The following ANKRD52 variants were observed in gnomAD, a reference collection of about 807,000 sequenced individuals.
ANKRD52 encodes the protein ankyrin repeat domain 52, also known as serine/threonine-protein phosphatase 6 regulatory ankyrin repeat subunit C.
ANKRD52 carries 7 observed loss-of-function variants against 116.0 expected under a neutral mutation model. The observed-to-expected ratio is 0.06, with a 90% CI of 0.03 to 0.11. The LOEUF (loss-of-function observed/expected upper bound fraction) is 0.11, where lower values mean the gene tolerates loss of function less well. Ranked by LOEUF, ANKRD52 falls within the 10% of genes least tolerant of loss-of-function variation. ANKRD52 has a pLI of 1.00. For synonymous variants in ANKRD52, 528 were observed against 578.1 expected (o/e 0.91, Z 1.24); for missense variants, 839 against 1,408.6 (o/e 0.60, Z 6.47).
intron 15 of ANKRD52, among the ~76,000 whole-genome samples, chr12:56,249,829 C>T (rs1230706625): frequency 3.3e-5 from 5 of 152,198 alleles, no homozygotes; most frequent in African/African-American, 4.8e-5. Context: ...CGCCTGAGCT[C>T]GGGAGTTCAA....
rs201212936 is a variant in ANKRD52, at chr12:56,244,097, T to C, written c.2842A>G (p.Thr948Ala). The change falls in exon 26 of 28, where the codon ACC becomes GCC. Residue 948 changes from threonine (T) to alanine (A), a missense_variant. Thr to Ala is a moderately conservative substitution (Grantham distance 58, BLOSUM62 0). Transcript: ENST00000267116. This position sits in a 1 kb window ranked among gnomAD's most constrained non-coding sequence, Gnocchi z 4.9. ...EKCALMILAE[T>A]QDLGLINATN... is the part of the protein sequence containing the mutation. ...GCATTGATAAGGCCAAGGTCTTGGG[T>C]TTCTGCCAGGATCATGAGGGCACAT... 1.2e-5 allele frequency: 20 copies of C among 1,613,724 alleles called. No homozygotes were observed. In the African/African-American group the frequency reaches 2.7e-4, roughly 22 times the overall value.
rs75699291 is a variant in ANKRD52 at position 56,242,021 on chromosome 12, G to A, written c.*1121C>T. The A allele has an allele frequency of 3.8e-3, 1,517 of 398,564 alleles. 40 individuals carry two copies. In the East Asian group the frequency reaches 0.047, roughly 12 times the overall value. 24.7% of individuals were successfully genotyped at this position (398,564 alleles called of 1,614,324 possible). A position where few individuals can be genotyped will look rare whatever the true frequency, so the allele number is the denominator to read the frequency against. On this transcript the variant is annotated 3_prime_UTR_variant, in exon 28 of 28. Transcript: ENST00000267116. This position sits in a 1 kb window ranked among gnomAD's most constrained non-coding sequence, Gnocchi z 4.3. ...TCCCGAGTAGCCACGGTCCCTTGTC[G>A]GCCCTGCCCCTCCTACCATCTTTGG... is the stretch of plus-strand genomic sequence containing the variant.
In ANKRD52 at chr12:56,243,258, T is replaced by C. The variant is rs1871246900; in HGVS notation, c.3115A>G (p.Ser1039Gly). The C allele has an allele frequency of 1.9e-6, 3 of 1,613,956 alleles. No individual in the cohort carries two copies. The highest frequency in any genetic ancestry group is 1.7e-5 in the Admixed American group (1 of 60,018). Reference protein sequence around the residue: ...PFSFSLLKNCSIAAAKTVGGC... With the variant: ...PFSFSLLKNCGIAAAKTVGGC... ...CCCACCGTCTTGGCGGCTGCAATGC[T>C]GCAGTTCTTGAGCAGGCTGAAGCTG... Residue 1039 changes from serine (S) to glycine (G), a missense_variant, in exon 28 of 28, where the codon AGC becomes GGC. Physicochemically the swap from Ser to Gly is moderately conservative, Grantham distance 56 (BLOSUM62 0). Around this residue, in one of 2 missense-constraint regions of ANKRD52, gnomAD observed 552 missense variants for 810.6 expected, o/e 0.68. Transcript: ENST00000267116. The surrounding 1 kb of genome is among the most constrained non-coding windows in gnomAD (Gnocchi z 4.6).
intron 20 of ANKRD52, among the ~76,000 whole-genome samples, chr12:56,246,577 G>T (rs1871408796): frequency 6.6e-6 from 1 of 152,104 alleles, no homozygotes; most frequent in South Asian, 2.1e-4. Flanking sequence ...GGCCAGCAGG[G>T]TATCCCAGGT....
chr12:56,253,865 T>C lies in ANKRD52; in HGVS notation c.907-65A>G. 6.5e-7 allele frequency: 1 copy of C among 1,528,704 alleles called. No individual in the cohort carries two copies. Among genetic ancestry groups the C allele is most frequent in the Non-Finnish European group, 9.0e-7 (1 of 1,105,534 alleles). The allele number at this position is 1,528,704 out of a possible 1,614,324, so 94.7% of individuals were successfully genotyped here. A position where few individuals can be genotyped will look rare whatever the true frequency, so the allele number is the denominator to read the frequency against. ...CCAGTGCAAAGCACAGAGAATGCCCTACCTCCCTTCCAAGGACATATCTCT... is the reference window on the plus strand; with the variant it reads ...CCAGTGCAAAGCACAGAGAATGCCCCACCTCCCTTCCAAGGACATATCTCT... On this transcript the variant is annotated intron_variant, in intron 8 of 27. Coordinates refer to ENST00000267116, the MANE Select transcript of ANKRD52 (RefSeq NM_173595.4). The surrounding 1 kb of genome is among the most constrained non-coding windows in gnomAD (Gnocchi z 5.5).
rs1304231394 is a variant in ANKRD52 at position 56,243,745 on chromosome 12, C to T, written c.2980+40G>A. Reference sequence around the variant, plus strand: ...CACCTCCTGAAGAATGTCCCTGACCCCAAACCCAAGAGAGGCATGGGGCCC... The same window carrying T: ...CACCTCCTGAAGAATGTCCCTGACCTCAAACCCAAGAGAGGCATGGGGCCC... On this transcript the variant is annotated intron_variant, in intron 27 of 27. Transcript: ENST00000267116. The surrounding 1 kb of genome is among the most constrained non-coding windows in gnomAD (Gnocchi z 4.6). The T allele has an allele frequency of 2.0e-6, 3 of 1,538,336 alleles. No individual in the cohort carries two copies. The highest frequency in any genetic ancestry group is 3.4e-4 in the Middle Eastern group (2 of 5,948).
At position 56,247,721 on chromosome 12, in the gene ANKRD52, C is replaced by T. The variant is rs762316228; in HGVS notation, c.2032G>A (p.Ala678Thr). The part of the protein sequence containing the change: ...LHLLIDSGER[A>T]DITDVMDAYG... ...GCATCCATGACATCTGTGATGTCAG[C>T]TCGTTCCCCACTGTCGATCAGCAAG... Residue 678 changes from alanine (A) to threonine (T), a missense_variant, in exon 19 of 28, where the codon GCT becomes ACT. Ala to Thr is a moderately conservative substitution (Grantham distance 58, BLOSUM62 0). Transcript: ENST00000267116. 1 of 1,612,528 alleles carries T rather than the reference C, an allele frequency of 6.2e-7. No homozygotes were observed. Among genetic ancestry groups the T allele is most frequent in the Admixed American group, 1.7e-5 (1 of 59,808 alleles).
Position 56,252,658 on chromosome 12 carries a change from C to A in ANKRD52, c.1302-88G>T, listed in dbSNP as rs1011115188. The stretch of plus-strand genomic sequence containing the variant: ...GCTAAGGAAGGATGGGACTAGCAAG[C>A]CCTTTCTGCTGTGACTGCTTTCATT... On this transcript the variant is annotated intron_variant, in intron 12 of 27. Coordinates refer to ENST00000267116, the MANE Select transcript of ANKRD52 (RefSeq NM_173595.4). This position sits in a 1 kb window ranked among gnomAD's most constrained non-coding sequence, Gnocchi z 4.7. 6.5e-7 allele frequency: 1 copy of A among 1,541,076 alleles called. No individual in the cohort carries two copies. The highest frequency in any genetic ancestry group is 1.4e-5 in the African/African-American group (1 of 73,296).
chr12:56,252,893 C>G lies in ANKRD52; in HGVS notation c.1188G>C (p.Gln396His), dbSNP rs754514640. The change falls in exon 12 of 28, where the codon CAG (glutamine) becomes CAC (histidine). Residue 396 changes from glutamine to histidine, a missense_variant. By Grantham distance (24) the Gln-to-His change is conservative. Around this residue, in one of 2 missense-constraint regions of ANKRD52, gnomAD observed 287 missense variants for 598.1 expected, o/e 0.48. Transcript: ENST00000267116. This position sits in a 1 kb window ranked among gnomAD's most constrained non-coding sequence, Gnocchi z 4.7. ...DCCRKLLSSG[Q>H]LYSIVSSLSN... ...TGAGTGAAGACACAATGCTGTACAA[C>G]TGACCTGGAGGCACAGAACAGCCAC... The G allele has an allele frequency of 1.2e-6, 2 of 1,613,724 alleles. No homozygotes were observed. The highest frequency in any genetic ancestry group is 1.3e-5 in the African/African-American group (1 of 75,042).
chr12:56,245,700 A>C (rs1323074294), intron 20 of ANKRD52, 104 bp from the exon 21 acceptor site: 4 of 874,580 alleles, frequency 4.6e-6, no homozygotes, highest in Non-Finnish European at 6.6e-6. Flanking sequence ...CAGGGCTCCA[A>C]TCCTTGTCTT....
chr12:56,252,681 A>C lies in ANKRD52; in HGVS notation c.1301+99T>G. ...AGCCCTTTCTGCTGTGACTGCTTTC[A>C]TTGTGAGAGGGGGAATAGATCTGGG... is the stretch of plus-strand genomic sequence containing the variant. On this transcript the variant is annotated intron_variant, in intron 12 of 27. Coordinates refer to ENST00000267116, the MANE Select transcript of ANKRD52 (RefSeq NM_173595.4). This position sits in a 1 kb window ranked among gnomAD's most constrained non-coding sequence, Gnocchi z 4.7. 1 of 1,538,366 alleles carries C rather than the reference A, an allele frequency of 6.5e-7. No individual in the cohort carries two copies. Among genetic ancestry groups the C allele is most frequent in the Non-Finnish European group, 9.0e-7 (1 of 1,114,718 alleles).
rs201634773 is a variant in ANKRD52 at position 56,248,081 on chromosome 12, G to A, written c.1920C>T (p.His640=). 1.5e-5 allele frequency: 24 copies of A among 1,612,392 alleles called. No individual in the cohort carries two copies. The Admixed American group carries it at 2.3e-4, about 16-fold the overall frequency. Residue 640 remains histidine, a synonymous_variant, in exon 18 of 28, where the codon CAC becomes CAT. Transcript: ENST00000267116. The surrounding 1 kb of genome is among the most constrained non-coding windows in gnomAD (Gnocchi z 5.1). ...STECVEVLTA[H]GASALIKERK... ...GCTCCTTGATGAGGGCAGAGGCGCC[G>A]TGGGCTGTAAGCACCTCCACACACT...
At chr12:56,249,203 C>T (rs973021976) in intron 15 of ANKRD52, among the ~76,000 whole-genome samples, 8 of 152,184 alleles carry the variant, frequency 5.3e-5, no homozygotes, top group African/African-American at 1.9e-4. Flanking sequence ...AACCCCTGCC[C>T]TAGGATGCTT....
rs1363288690 is a variant in ANKRD52, at chr12:56,244,760, A to T, written c.2614T>A (p.Ser872Thr). Residue 872 changes from serine (S) to threonine (T), a missense_variant, in exon 24 of 28, where the codon TCT becomes ACT. Physicochemically the swap from Ser to Thr is moderately conservative, Grantham distance 58. Transcript: ENST00000267116. This position sits in a 1 kb window ranked among gnomAD's most constrained non-coding sequence, Gnocchi z 4.9. ...LHAAAFADNV[S>T]GLRMLLQHQA... ...TGCTGCAGCAGCATCCGGAGCCCAG[A>T]GACATTGTCCGCGAAGGCAGCGGCG... The T allele has an allele frequency of 6.2e-7, 1 of 1,613,828 alleles. No individual in the cohort carries two copies. The highest frequency in any genetic ancestry group is 2.2e-5 in the East Asian group (1 of 44,878).
Position 56,243,678 on chromosome 12 carries a change from T to A in ANKRD52, c.2980+107A>T. The A allele has an allele frequency of 1.6e-6, 2 of 1,238,522 alleles. No individual in the cohort carries two copies. The highest frequency in any genetic ancestry group is 2.3e-6 in the Non-Finnish European group (2 of 879,990). The allele number at this position is 1,238,522 out of a possible 1,614,324, so 76.7% of individuals were successfully genotyped here. On this transcript the variant is annotated intron_variant, in intron 27 of 27. Coordinates refer to ENST00000267116, the MANE Select transcript of ANKRD52 (RefSeq NM_173595.4). The surrounding 1 kb of genome is among the most constrained non-coding windows in gnomAD (Gnocchi z 4.6). ...GTGTGGGCTCCCTGCTCTGAAGAGT[T>A]CCCTTGGGAAGAAAATCCCATGTAT...
rs1015453702 is a variant in ANKRD52 at position 56,240,858 on chromosome 12, C to T, written c.*2284G>A. On this transcript the variant is annotated 3_prime_UTR_variant, in exon 28 of 28. Coordinates refer to ENST00000267116, the MANE Select transcript of ANKRD52 (RefSeq NM_173595.4). This position sits in a 1 kb window ranked among gnomAD's most constrained non-coding sequence, Gnocchi z 4.2. ...AATCTCATCTAGCAAGACAACGGGG[C>T]TCTGACACTCAGACGCTTCCCGCCA... 2.0e-5 allele frequency: 3 copies of T among 152,232 alleles called. No homozygotes were observed. The highest frequency in any genetic ancestry group is 2.9e-5 in the Non-Finnish European group (2 of 68,066). 9.4% of individuals were successfully genotyped at this position (152,232 alleles called of 1,614,324 possible).
rs1871179953 is a variant in ANKRD52, at chr12:56,241,775, G to C, written c.*1367C>G. 1 of 387,524 alleles carries C rather than the reference G, an allele frequency of 2.6e-6. No homozygotes were observed. 24.0% of individuals were successfully genotyped at this position (387,524 alleles called of 1,614,324 possible). A position where few individuals can be genotyped will look rare whatever the true frequency, so the allele number is the denominator to read the frequency against. ...AGATGGGTGGACAGAGCACTTAAAGGGACCAGGGCCAAATTCAATGCTACA... is the reference window on the plus strand; with the variant it reads ...AGATGGGTGGACAGAGCACTTAAAGCGACCAGGGCCAAATTCAATGCTACA... On this transcript the variant is annotated 3_prime_UTR_variant, in exon 28 of 28. Coordinates refer to ENST00000267116, the MANE Select transcript of ANKRD52 (RefSeq NM_173595.4).
chr12:56,248,964 A>G lies in ANKRD52; in HGVS notation c.1593-94T>C. Reference sequence around the variant, plus strand: ...CCAGAGGAGAGGACCAAGGCCCTCCAGGCCTACCTGGCCGCCACCCGTCCT... The same window carrying G: ...CCAGAGGAGAGGACCAAGGCCCTCCGGGCCTACCTGGCCGCCACCCGTCCT... On this transcript the variant is annotated intron_variant, in intron 15 of 27. Coordinates refer to ENST00000267116, the MANE Select transcript of ANKRD52 (RefSeq NM_173595.4). The surrounding 1 kb of genome is among the most constrained non-coding windows in gnomAD (Gnocchi z 5.1). 3.5e-6 allele frequency: 3 copies of G among 861,386 alleles called. No individual in the cohort carries two copies. The highest frequency in any genetic ancestry group is 5.3e-6 in the Non-Finnish European group (3 of 567,948). The allele number at this position is 861,386 out of a possible 1,614,324, so 53.4% of individuals were successfully genotyped here.
chr12:56,256,725 T>G (rs952465001), intron 4 of ANKRD52, among the ~76,000 whole-genome samples: 2 of 152,172 alleles, frequency 1.3e-5, no homozygotes, highest in African/African-American at 4.8e-5. Context: ...CAGAGGGGGA[T>G]CAGACTCAAG....
Sources: allele counts gnomAD v4.1 joint callset (sites outside exome capture counted in the v4.1 genomes callset), GRCh38; gene constraint gnomAD v4.1.1; regional missense constraint gnomAD v4.1.1; non-coding constraint Gnocchi (gnomAD v3.1); transcripts MANE v1.5; gene names NCBI Gene and HGNC (gene_info 2026-07-23, HGNC 2026-07-21).